The following MSH3 variants were observed in gnomAD, a reference collection of about 807,000 sequenced individuals.
MSH3 encodes the protein mutS homolog 3, also known as DNA mismatch repair protein Msh3.
Under a neutral mutation model 123.3 loss-of-function variants are expected in MSH3, and 106 were observed. The ratio of observed to expected loss-of-function variants is 0.86; its 90% CI spans 0.73 to 1.01. The LOEUF (loss-of-function observed/expected upper bound fraction) is 1.01, where lower values mean the gene tolerates loss of function less well. Ranked by LOEUF, MSH3 falls within the 50% of genes least tolerant of loss-of-function variation. The pLI is 0.00. For missense variants in MSH3, 1,459 were observed against 1,347.6 expected, an observed-to-expected ratio of 1.08 and a Z score of -1.29; for synonymous variants, 515 against 481.4, an observed-to-expected ratio of 1.07 and a Z score of -0.91.
rs796750519 is a variant in MSH3, at chr5:80,788,440, C to CA, written c.2543+779dup. On this transcript the variant is annotated intron_variant, in intron 18 of 23. Coordinates refer to ENST00000265081, the MANE Select transcript of MSH3 (RefSeq NM_002439.5). ...TGGGCAAGAGAGTGAGACTCTGTCTCAAAAAAAAAAATTTTTTTTCAGACA... is the reference window on the plus strand; with the variant it reads ...TGGGCAAGAGAGTGAGACTCTGTCTCAAAAAAAAAAAATTTTTTTTCAGACA... Among the ~76,000 whole-genome samples the CA allele has an allele frequency of 4.0e-3, 589 of 147,216 alleles. 7 individuals are homozygous for CA. The highest frequency in any genetic ancestry group is 0.028 in the East Asian group (140 of 5,078).
chr5:80,819,627 C>T (rs1745169339), intron 20 of MSH3, among the ~76,000 whole-genome samples: 2 of 151,748 alleles, frequency 1.3e-5, no homozygotes, highest in Admixed American at 1.3e-4. Context: ...GCTGGGATTA[C>T]AGGTGCCCAC....
intron 8 of MSH3, among the ~76,000 whole-genome samples, chr5:80,723,631 A>G (rs1236615020): frequency 2.0e-5 from 3 of 152,238 alleles, no homozygotes; most frequent in Non-Finnish European, 4.4e-5. Flanking sequence ...TTGAGGATAA[A>G]ATCAATTTGT....
At position 80,709,356 on chromosome 5, in the gene MSH3, C is replaced by T. The variant is rs899255374; in HGVS notation, c.1341-16097C>T. ...TTTTTAGGGCCGGGTGCGGTGGTGG[C>T]TTACGCCTGTAATCCCAGCACTTTG... On this transcript the variant is annotated intron_variant, in intron 8 of 23. Coordinates refer to ENST00000265081, the MANE Select transcript of MSH3 (RefSeq NM_002439.5). Among the ~76,000 whole-genome samples the T allele has an allele frequency of 6.6e-5, 10 of 152,244 alleles. No individual in the cohort carries two copies. The East Asian group carries it at 9.7e-4, about 15-fold the overall frequency.
chr5:80,660,956 G>A (rs1315890106), intron 2 of MSH3, among the ~76,000 whole-genome samples: 3 of 151,992 alleles, frequency 2.0e-5, no homozygotes, highest in Admixed American at 6.6e-5. Context: ...TCGCCACCAC[G>A]CCTGGTTAAT....
At chr5:80,851,008 AT>A (rs1745821755) in intron 20 of MSH3, among the ~76,000 whole-genome samples, 1 of 152,184 alleles carries the variant, frequency 6.6e-6, no homozygotes, top group Non-Finnish European at 1.5e-5. Flanking sequence ...ATTTTTTAAC[AT>A]TCACTATGTT....
chr5:80,787,577 A>G lies in MSH3; in HGVS notation c.2448A>G (p.Glu816=). Residue 816 remains glutamate, a synonymous_variant, in exon 18 of 24, where the codon GAA becomes GAG. Transcript: ENST00000265081. ...EWLDFLEKFS[E]HYHSLCKAVH... ...GCTGCTTCCGTAGGAAATTCAGTGA[A>G]CATTATCACTCCTTGTGTAAAGCAG... 1 of 1,613,168 alleles carries G rather than the reference A, an allele frequency of 6.2e-7. No homozygotes were observed. Among genetic ancestry groups the G allele is most frequent in the Non-Finnish European group, 8.5e-7 (1 of 1,179,242 alleles).
chr5:80,746,345 G>C, intron 12 of MSH3: 1 of 379,238 alleles, frequency 2.6e-6, no homozygotes, highest in African/African-American at 2.1e-5. Flanking sequence ...TTTCACTTCT[G>C]TTCACACCGC....
At chr5:80,762,685 GC>G (rs1156550616) in intron 13 of MSH3, among the ~76,000 whole-genome samples, 3 of 150,544 alleles carry the variant, frequency 2.0e-5, no homozygotes, top group Non-Finnish European at 4.4e-5. Flanking sequence ...GTAACTCCTT[GC>G]CAATTTAATA....
chr5:80,720,272 T>C (rs1342504667), intron 8 of MSH3, among the ~76,000 whole-genome samples: 1 of 152,200 alleles, frequency 6.6e-6, no homozygotes, highest in Non-Finnish European at 1.5e-5. Context: ...TCCCCAGGTA[T>C]GTGATGTGTT....
At chr5:80,848,154 A>G (rs1745757865) in intron 20 of MSH3, among the ~76,000 whole-genome samples, 1 of 152,224 alleles carries the variant, frequency 6.6e-6, no homozygotes, top group Non-Finnish European at 1.5e-5. Flanking sequence ...ATCTGAGCAC[A>G]GGAAGGTTGA....
intron 19 of MSH3, among the ~76,000 whole-genome samples, chr5:80,808,559 A>G (rs1007131770): frequency 6.6e-6 from 1 of 152,082 alleles, no homozygotes; most frequent in Non-Finnish European, 1.5e-5. Flanking sequence ...CTAAATAAAC[A>G]TGGTTTAAAT....
At chr5:80,806,044 AT>A (rs145422448) in intron 19 of MSH3, among the ~76,000 whole-genome samples, 27,833 of 152,150 alleles carry the variant, frequency 0.18, 3,054 homozygotes, top group South Asian at 0.35. Flanking sequence ...TTTTATAAAC[AT>A]TTTAAAGTTT....
intron 20 of MSH3, among the ~76,000 whole-genome samples, chr5:80,828,383 A>T (rs1580075193): frequency 6.6e-6 from 1 of 152,190 alleles, no homozygotes; most frequent in African/African-American, 2.4e-5. Flanking sequence ...CTGATGACCC[A>T]GTCACCTCTT....
intron 12 of MSH3, among the ~76,000 whole-genome samples, chr5:80,758,404 T>C (rs1743968053): frequency 6.6e-6 from 1 of 152,186 alleles, no homozygotes; most frequent in Non-Finnish European, 1.5e-5. Flanking sequence ...TATTATTTCA[T>C]TGAATTCTTG....
At chr5:80,843,485 G>T (rs1416316249) in intron 20 of MSH3, among the ~76,000 whole-genome samples, 1 of 152,180 alleles carries the variant, frequency 6.6e-6, no homozygotes, top group Non-Finnish European at 1.5e-5. Context: ...AATGGTACCA[G>T]CTCCTCTTTG....
intron 17 of MSH3, among the ~76,000 whole-genome samples, 176 bp from the exon 18 acceptor site, chr5:80,787,386 GTTA>G (rs1744527673): frequency 6.6e-6 from 1 of 152,150 alleles, no homozygotes; most frequent in Admixed American, 6.5e-5. Flanking sequence ...CAATAATTTA[GTTA>G]TTATATTAAA....
intron 13 of MSH3, among the ~76,000 whole-genome samples, chr5:80,764,516 A>ATTTTTTTTTTTTTTTTTTTT (rs575667262): frequency 7.8e-6 from 1 of 128,816 alleles, no homozygotes. Flanking sequence ...ATGCCCAGCT[A>ATTTTTTTTTTTTTTTTTTTT]TTTTTTTTTT....
intron 20 of MSH3, among the ~76,000 whole-genome samples, chr5:80,851,945 C>A (rs139370741): frequency 6.6e-6 from 1 of 152,272 alleles, no homozygotes; most frequent in East Asian, 1.9e-4. Flanking sequence ...GCACATCTTA[C>A]AATTCTTGAC....
At chr5:80,742,207 G>T (rs983765941) in intron 11 of MSH3, among the ~76,000 whole-genome samples, 1 of 151,962 alleles carries the variant, frequency 6.6e-6, no homozygotes, top group Admixed American at 6.6e-5. Flanking sequence ...ACAGGGTTTC[G>T]CCATATTGGC....
Sources: allele counts gnomAD v4.1 joint callset (sites outside exome capture counted in the v4.1 genomes callset), GRCh38; gene constraint gnomAD v4.1.1; transcripts MANE v1.5; gene names NCBI Gene and HGNC (gene_info 2026-07-23, HGNC 2026-07-21).